The following TMEM176B variants were observed in gnomAD, a reference collection of about 807,000 sequenced individuals.
TMEM176B encodes transmembrane protein 176B, also known as LR8-like protein.
In TMEM176B, 28 loss-of-function variants were observed where a neutral mutation model predicts 30.3. The observed-to-expected ratio is 0.92, with a 90% confidence interval of 0.68 to 1.27. TMEM176B has a LOEUF of 1.27. Ranked by LOEUF, TMEM176B falls within the 50% of genes most tolerant of loss-of-function variation. The probability of loss-of-function intolerance (pLI) is 0.00; values close to 1 mark genes in which losing one functional copy is unlikely to be tolerated. For synonymous variants in TMEM176B, 123 were observed against 130.3 expected, an observed-to-expected ratio of 0.94 and a Z score of 0.38; for missense variants, 349 against 327.4, an observed-to-expected ratio of 1.07 and a Z score of -0.51.
At chr7:150,793,001 G>A (rs1030700124) in intron 5 of TMEM176B, 87 bp downstream of exon 5, 9 of 1,308,820 alleles carry the variant, frequency 6.9e-6, no homozygotes, top group Non-Finnish European at 9.9e-6. Context: ...AGCTCAAAGA[G>A]CCTACATCTC....
Position 150,793,256 on chromosome 7 carries a change from G to A in TMEM176B, c.432C>T (p.Val144=), listed in dbSNP as rs1483147981. Reference sequence around the variant, plus strand: ...GCCAGATGAAGCTATTCACGCAGAGGACAACAGCAGCCATAGCTGTAGCAA... The same window carrying A: ...GCCAGATGAAGCTATTCACGCAGAGAACAACAGCAGCCATAGCTGTAGCAA... The part of the protein sequence containing the change: ...AGFATAMAAV[V]LCVNSFIWQT... Residue 144 remains valine (V), a synonymous_variant, in exon 5 of 7, where the codon GTC becomes GTT. Transcript: ENST00000326442. 1 of 1,614,182 alleles carries A rather than the reference G, an allele frequency of 6.2e-7. No individual in the cohort carries two copies.
At chr7:150,791,720 A>G in intron 6 of TMEM176B, 97 bp from the exon 7 acceptor site, 1 of 1,161,740 alleles carries the variant, frequency 8.6e-7, no homozygotes, top group Non-Finnish European at 1.2e-6. Context: ...AGGAGGAGGG[A>G]AAGGAAAAGG....
Position 150,796,473 on chromosome 7 carries a change from A to G in TMEM176B, c.97T>C (p.Leu33=). 1 of 1,614,216 alleles carries G rather than the reference A, an allele frequency of 6.2e-7. No homozygotes were observed. Among genetic ancestry groups the G allele is most frequent in the Non-Finnish European group, 8.5e-7 (1 of 1,180,040 alleles). ...VNVHIHQESA[L]TQLLKAGGSL... ...CCTCCAGCTTTCAGCAGTTGTGTCA[A>G]AGCTGACTCCTGGTGGATGTGGACG... is the stretch of plus-strand genomic sequence containing the variant. The change falls in exon 2 of 7, where the codon TTG becomes CTG. Residue 33 remains leucine (L), a synonymous_variant. Coordinates refer to ENST00000326442, the MANE Select transcript of TMEM176B (RefSeq NM_001101312.2).
chr7:150,798,627 G>A (rs996536578), intron 1 of TMEM176B, among the ~76,000 whole-genome samples: 3 of 151,786 alleles, frequency 2.0e-5, no homozygotes, highest in Non-Finnish European at 2.9e-5. Flanking sequence ...GCCCAGGGTG[G>A]TCTCAAACTC....
chr7:150,793,657 T>A, intron 3 of TMEM176B, 57 bp from the exon 4 acceptor site: 1 of 1,577,120 alleles, frequency 6.3e-7, no homozygotes, highest in Non-Finnish European at 8.7e-7. Context: ...TGGTCTATCA[T>A]CACCCTCCCA....
At chr7:150,798,977 G>T (rs907431359) in intron 1 of TMEM176B, among the ~76,000 whole-genome samples, 1 of 151,880 alleles carries the variant, frequency 6.6e-6, no homozygotes, top group East Asian at 1.9e-4. Flanking sequence ...TCTATTTATG[G>T]TGTCTAGCTC....
intron 1 of TMEM176B, among the ~76,000 whole-genome samples, chr7:150,799,486 T>C (rs1798675520): frequency 6.6e-6 from 1 of 152,280 alleles, no homozygotes; most frequent in Non-Finnish European, 1.5e-5. Context: ...AAATCCTGCA[T>C]AGGCAATTCT....
intron 1 of TMEM176B, among the ~76,000 whole-genome samples, chr7:150,799,606 C>A (rs1798680550): frequency 6.6e-6 from 1 of 152,284 alleles, no homozygotes; most frequent in Non-Finnish European, 1.5e-5. Context: ...CACTCTTTCA[C>A]CCACCTGGCC....
intron 5 of TMEM176B, 46 bp downstream of exon 5, chr7:150,793,042 A>C (rs10215721): frequency 0.16 from 256,630 of 1,598,488 alleles, 21,547 homozygotes; most frequent in Non-Finnish European, 0.17. Context: ...TCCCTGGGAA[A>C]AAAGAGCTGT....
upstream of TMEM176B, chr7:150,800,928 C>T (rs1022977076): frequency 2.0e-6 from 2 of 985,542 alleles, no homozygotes; most frequent in Non-Finnish European, 2.4e-6. Context: ...GACCCCCACC[C>T]AGGGATGACA....
At chr7:150,795,561 A>G (rs1485629098) in intron 2 of TMEM176B, among the ~76,000 whole-genome samples, 2 of 152,194 alleles carry the variant, frequency 1.3e-5, no homozygotes, top group Admixed American at 6.5e-5. Flanking sequence ...TTTTAGATAT[A>G]GCCCAGGGAT....
intron 2 of TMEM176B, among the ~76,000 whole-genome samples, chr7:150,794,947 A>ACC (rs1169276005): frequency 1.5e-5 from 2 of 131,886 alleles, no homozygotes; most frequent in Admixed American, 7.3e-5. Context: ...ACACACACAC[A>ACC]CCTCTCGAAT....
At position 150,791,443 on chromosome 7, in the gene TMEM176B, A is replaced by T; in HGVS notation, c.*88T>A. The T allele has an allele frequency of 9.4e-7, 1 of 1,066,774 alleles. No individual in the cohort carries two copies. Among genetic ancestry groups the T allele is most frequent in the Non-Finnish European group, 1.4e-6 (1 of 713,330 alleles). The allele number at this position is 1,066,774 out of a possible 1,614,324, so 66.1% of individuals were successfully genotyped here. On this transcript the variant is annotated 3_prime_UTR_variant, in exon 7 of 7. Coordinates refer to ENST00000326442, the MANE Select transcript of TMEM176B (RefSeq NM_001101312.2). ...GGAGGAGGGTCTGGAGAGCGGCCAT[A>T]GGGGAGGCAAGTGTGAGGAGCCAGG...
chr7:150,792,673 C>G (rs1430400607), intron 5 of TMEM176B, among the ~76,000 whole-genome samples: 2 of 152,200 alleles, frequency 1.3e-5, no homozygotes, highest in Non-Finnish European at 2.9e-5. Context: ...AACTTCACCC[C>G]CATCTGACTG....
chr7:150,798,834 CT>C (rs905324311), intron 1 of TMEM176B, among the ~76,000 whole-genome samples: 1 of 152,076 alleles, frequency 6.6e-6, no homozygotes, highest in Non-Finnish European at 1.5e-5. Flanking sequence ...TTTTGTTTTG[CT>C]TTTTTCTATG....
chr7:150,793,250 G>T lies in TMEM176B; in HGVS notation c.438C>A (p.Cys146Ter), dbSNP rs576835044. 9 of 1,614,204 alleles carry T rather than the reference G, an allele frequency of 5.6e-6. No homozygotes were observed. The highest frequency in any genetic ancestry group is 7.6e-6 in the Non-Finnish European group (9 of 1,180,038). ...CAGTTTGCCAGATGAAGCTATTCAC[G>T]CAGAGGACAACAGCAGCCATAGCTG... Reference protein sequence around the residue: ...FATAMAAVVLCVNSFIWQTEP... With the variant: ...FATAMAAVVL The change falls in exon 5 of 7, where the codon TGC (cysteine) becomes TGA (stop). Residue 146 changes from cysteine to a stop codon, truncating the protein, a stop_gained. Coordinates refer to ENST00000326442, the MANE Select transcript of TMEM176B (RefSeq NM_001101312.2). LOFTEE classifies it high-confidence loss of function.
At chr7:150,794,963 C>T (rs549381486) in intron 2 of TMEM176B, among the ~76,000 whole-genome samples, 1 of 151,380 alleles carries the variant, frequency 6.6e-6, no homozygotes, top group South Asian at 2.1e-4. Context: ...CGAATGGCTG[C>T]TCCTCCTGAC....
chr7:150,799,043 TC>T (rs1417461538), intron 1 of TMEM176B, among the ~76,000 whole-genome samples: 1 of 152,226 alleles, frequency 6.6e-6, no homozygotes, highest in Non-Finnish European at 1.5e-5. Context: ...TTCCACATTT[TC>T]TTCTAAGTGC....
intron 2 of TMEM176B, among the ~76,000 whole-genome samples, chr7:150,794,716 G>A (rs1798453027): frequency 6.6e-6 from 1 of 151,894 alleles, no homozygotes; most frequent in South Asian, 2.1e-4. Context: ...AGTCTGCATT[G>A]CAGCCTGATG....
Sources: gnomAD v4.1 joint callset for allele counts (sites outside exome capture counted in the v4.1 genomes callset) on GRCh38, gnomAD v4.1.1 for gene constraint, MANE v1.5 for transcripts, NCBI Gene and HGNC (gene_info 2026-07-23, HGNC 2026-07-21) for gene names.